Variants in NLRP13 observed in about 807,000 individuals in gnomAD.
NLRP13 encodes the protein NACHT, LRR and PYD domains-containing protein 13.
In NLRP13, 82 loss-of-function variants were observed where a neutral mutation model predicts 94.4. The ratio of observed to expected loss-of-function variants is 0.87; its 90% CI spans 0.73 to 1.04. The LOEUF is 1.04. Among genes scored for constraint, NLRP13 ranks in the 50% least tolerant of loss-of-function variants. NLRP13 has a pLI of 0.00. For synonymous variants in NLRP13, 553 were observed against 464.7 expected (o/e 1.19, Z -2.45); for missense variants, 1,426 against 1,230.8 (o/e 1.16, Z -2.37).
At chr19:55,899,795 AC>A (rs1249076471) in intron 9 of NLRP13, among the ~76,000 whole-genome samples, 1 of 152,092 alleles carries the variant, frequency 6.6e-6, no homozygotes, top group African/African-American at 2.4e-5. Flanking sequence ...AATTTTGACT[AC>A]GTGAAGAACG....
intron 8 of NLRP13, among the ~76,000 whole-genome samples, chr19:55,904,310 A>G (rs34489959): frequency 0.24 from 35,921 of 151,920 alleles, 4,697 homozygotes; most frequent in African/African-American, 0.34. Context: ...GCTGGTCTCA[A>G]AATTCCTGAC....
chr19:55,930,063 G>T (rs1987070675), intron 1 of NLRP13, among the ~76,000 whole-genome samples: 1 of 152,118 alleles, frequency 6.6e-6, no homozygotes, highest in South Asian at 2.1e-4. Context: ...CTTTCCACCA[G>T]AAGATACACA....
chr19:55,902,234 A>C (rs1986205477), intron 8 of NLRP13, 29 bp from the exon 9 acceptor site: 2 of 1,608,236 alleles, frequency 1.2e-6, no homozygotes, highest in Admixed American at 3.3e-5. Flanking sequence ...AGAGATGGAC[A>C]CTCAGGGAAG....
rs1986554801 is a variant in NLRP13, at chr19:55,912,614, GTCA to G, written c.1200_1202del (p.Asp401del). 3.7e-6 allele frequency: 6 copies of G among 1,614,066 alleles called. No individual in the cohort carries two copies. Among genetic ancestry groups the G allele is most frequent in the Non-Finnish European group, 5.1e-6 (6 of 1,180,032 alleles). On this transcript the variant is annotated inframe_deletion, in exon 5 of 11. Coordinates refer to ENST00000342929, the MANE Select transcript of NLRP13 (RefSeq NM_176810.2). ...GCAGGATTTTCTCAACTTCACTTGA[GTCA>G]TCAAAGTGTCTCATGAAATATACCC...
Position 55,911,893 on chromosome 19 carries a change from G to A in NLRP13, c.1924C>T (p.Leu642=). The A allele has an allele frequency of 3.1e-6, 5 of 1,614,144 alleles. No homozygotes were observed. The highest frequency in any genetic ancestry group is 2.2e-5 in the East Asian group (1 of 44,882). The change falls in exon 5 of 11, where the codon CTA becomes TTA. Residue 642 remains leucine, a synonymous_variant. Coordinates refer to ENST00000342929, the MANE Select transcript of NLRP13 (RefSeq NM_176810.2). ...AAGTCTTCCTCCTGGGACTCGTGTA[G>A]GCAGTGAAAAAGTCGTAGAATGTGA... ...QFHILRLFHC[L]HESQEEDFTK... is the part of the protein sequence containing the mutation.
chr19:55,900,585 C>G (rs1307349146), intron 9 of NLRP13, among the ~76,000 whole-genome samples: 2 of 148,632 alleles, frequency 1.3e-5, no homozygotes, highest in East Asian at 4.0e-4. Flanking sequence ...TCCTGGCTAA[C>G]ATGGTGAAAC....
intron 8 of NLRP13, among the ~76,000 whole-genome samples, chr19:55,902,807 G>A (rs984650957): frequency 3.3e-5 from 5 of 150,306 alleles, no homozygotes; most frequent in East Asian, 1.9e-4. Context: ...ATAGTATATC[G>A]TTAATATATT....
chr19:55,898,200 G>GTT (rs149121317), intron 10 of NLRP13, among the ~76,000 whole-genome samples: 13,217 of 135,510 alleles, frequency 0.098, 1,203 homozygotes, highest in East Asian at 0.32. Flanking sequence ...GAGAGTTTTT[G>GTT]TTTTTGTTTT....
intron 1 of NLRP13, 152 bp from the exon 2 acceptor site, chr19:55,925,187 C>A (rs918232898): frequency 1.4e-6 from 1 of 699,402 alleles, no homozygotes; most frequent in East Asian, 2.7e-5. Flanking sequence ...ATTAGCCCAA[C>A]TGAAGATGCA....
intron 7 of NLRP13, 73 bp downstream of exon 7, chr19:55,907,719 C>G: frequency 6.9e-7 from 1 of 1,442,438 alleles, no homozygotes; most frequent in Non-Finnish European, 9.7e-7. Context: ...GCTGTCAGCC[C>G]TCCCAGTGGA....
chr19:55,905,848 T>C (rs1392908592), intron 7 of NLRP13, among the ~76,000 whole-genome samples: 2 of 152,124 alleles, frequency 1.3e-5, no homozygotes, highest in Non-Finnish European at 2.9e-5. Flanking sequence ...TGTCCAGGCA[T>C]TGCCAAATGT....
intron 7 of NLRP13, 53 bp downstream of exon 7, chr19:55,907,739 C>G (rs1986394016): frequency 1.9e-6 from 3 of 1,572,158 alleles, no homozygotes; most frequent in Admixed American, 1.7e-5. Flanking sequence ...ATCGTGGAAG[C>G]TACTGGTGGT....
intron 2 of NLRP13, 152 bp from the exon 3 acceptor site, chr19:55,924,810 C>G (rs1986928283): frequency 1.2e-6 from 1 of 844,980 alleles, no homozygotes; most frequent in African/African-American, 1.7e-5. Flanking sequence ...AGTAAGTTAT[C>G]ATTTAATAAG....
chr19:55,906,662 C>G (rs912027718), intron 7 of NLRP13, among the ~76,000 whole-genome samples: 1 of 152,098 alleles, frequency 6.6e-6, no homozygotes, highest in Non-Finnish European at 1.5e-5. Context: ...AAAGAGCTGA[C>G]AAATCTGGTA....
intron 10 of NLRP13, 71 bp from the exon 11 acceptor site, chr19:55,896,190 A>G: frequency 6.6e-7 from 1 of 1,520,358 alleles, no homozygotes; most frequent in Non-Finnish European, 9.0e-7. Context: ...GAGATACCAC[A>G]TCTGCAGGAA....
At chr19:55,924,488 A>G (rs1223103716) in intron 3 of NLRP13, 102 bp downstream of exon 3, 5 of 802,718 alleles carry the variant, frequency 6.2e-6, no homozygotes, top group Non-Finnish European at 1.1e-5. Context: ...TTTTTTATGT[A>G]CCATAAATTC....
chr19:55,930,559 G>A (rs920058125), intron 1 of NLRP13, among the ~76,000 whole-genome samples: 2 of 151,728 alleles, frequency 1.3e-5, no homozygotes, highest in African/African-American at 2.4e-5. Context: ...GGTGGCAGGT[G>A]CCTGTAGTCC....
chr19:55,907,948 G>C lies in NLRP13; in HGVS notation c.2291C>G (p.Ser764Trp), dbSNP rs779259380. Reference sequence around the variant, plus strand: ...CTGCAGAACCCACTCAGGAGTTACCGATTTGCACCTGAGGAAGGGAAGGGA... The same window carrying C: ...CTGCAGAACCCACTCAGGAGTTACCCATTTGCACCTGAGGAAGGGAAGGGA... ...RCKVQKLTCK[S>W]VTPEWVLQDL... Residue 764 changes from serine to tryptophan, a missense_variant, in exon 7 of 11, where the codon TCG (serine) becomes TGG (tryptophan). Coordinates refer to ENST00000342929, the MANE Select transcript of NLRP13 (RefSeq NM_176810.2). 29 of 1,595,040 alleles carry C rather than the reference G, an allele frequency of 1.8e-5. No homozygotes were observed. The highest frequency in any genetic ancestry group is 2.5e-5 in the Non-Finnish European group (29 of 1,167,728).
In NLRP13 at chr19:55,912,338, A is replaced by T; in HGVS notation, c.1479T>A (p.Ser493=). The change falls in exon 5 of 11, where the codon TCT becomes TCA. Residue 493 remains serine (S), a synonymous_variant. Coordinates refer to ENST00000342929, the MANE Select transcript of NLRP13 (RefSeq NM_176810.2). ...CTTCTTTGTTAAACGTGAAGTTCAT[A>T]GACCACAGCCCTTCTATGGCCAGAC... is the stretch of plus-strand genomic sequence containing the variant. The part of the protein sequence containing the change: ...LCSLAIEGLW[S]MNFTFNKEDT... 6.2e-7 allele frequency: 1 copy of T among 1,614,136 alleles called. No individual in the cohort carries two copies. Among genetic ancestry groups the T allele is most frequent in the Non-Finnish European group, 8.5e-7 (1 of 1,180,016 alleles).
Sources: gnomAD v4.1 joint callset for allele counts (sites outside exome capture counted in the v4.1 genomes callset) on GRCh38, gnomAD v4.1.1 for gene constraint, MANE v1.5 for transcripts, NCBI Gene and HGNC (gene_info 2026-07-23, HGNC 2026-07-21) for gene names.